Variants in HERC2 observed in about 807,000 individuals in gnomAD.
HERC2 encodes the protein HECT and RLD domain containing E3 ubiquitin protein ligase 2, also known as E3 ubiquitin-protein ligase HERC2.
Under a neutral mutation model 537.7 loss-of-function variants are expected in HERC2, and 102 were observed. The ratio of observed to expected loss-of-function variants is 0.19; its 90% CI spans 0.16 to 0.22. The LOEUF (loss-of-function observed/expected upper bound fraction) is 0.22, where lower values mean the gene tolerates loss of function less well. Ranked by LOEUF, HERC2 falls within the 10% of genes least tolerant of loss-of-function variation. The pLI, the probability that HERC2 is intolerant of heterozygous loss-of-function variation, is 1.00. For synonymous variants in HERC2, 2,224 were observed against 2,466.2 expected (o/e 0.90, Z 2.91); for missense variants, 4,236 against 6,198.2 (o/e 0.68, Z 10.63).
chr15:28,129,602 G>T (rs1487105421), intron 83 of HERC2, among the ~76,000 whole-genome samples: 1 of 152,220 alleles, frequency 6.6e-6, no homozygotes, highest in Non-Finnish European at 1.5e-5. Context: ...GGCCAAGCCT[G>T]CAGCAGGTCT....
intron 2 of HERC2, among the ~76,000 whole-genome samples, chr15:28,317,972 A>C (rs111553059): frequency 0.016 from 2,436 of 152,114 alleles, 29 homozygotes; most frequent in African/African-American, 0.056. Context: ...AAAAAAGAAC[A>C]CAAAAATAGA....
intron 68 of HERC2, among the ~76,000 whole-genome samples, chr15:28,166,333 G>C (rs1894133952): frequency 6.6e-6 from 1 of 152,194 alleles, no homozygotes; most frequent in African/African-American, 2.4e-5. Flanking sequence ...TATGGAAAAA[G>C]GGAGAGTAGG....
At chr15:28,204,034 C>G (rs1413218482) in intron 45 of HERC2, 2 of 152,144 alleles carry the variant, frequency 1.3e-5, no homozygotes, top group Non-Finnish European at 2.9e-5. Context: ...ATTAGAAAGC[C>G]TGGCACCAAG....
intron 4 of HERC2, among the ~76,000 whole-genome samples, chr15:28,290,933 C>G (rs2076292902): frequency 6.6e-6 from 1 of 152,144 alleles, no homozygotes; most frequent in Admixed American, 6.5e-5. Context: ...GCAAATGGAA[C>G]CCAAAGCCAG....
Position 28,121,326 on chromosome 15 carries a change from G to C in HERC2, c.13272+20C>G. ...CACTTCTAAGGCTGTCAGACTTGGA[G>C]AGTAATCTCCATGTGCTACCTGGAT... is the stretch of plus-strand genomic sequence containing the variant. On this transcript the variant is annotated intron_variant, in intron 86 of 92. Coordinates refer to ENST00000261609, the MANE Select transcript of HERC2 (RefSeq NM_004667.6). 1 of 1,608,036 alleles carries C rather than the reference G, an allele frequency of 6.2e-7. No individual in the cohort carries two copies. The highest frequency in any genetic ancestry group is 1.7e-5 in the Admixed American group (1 of 60,018).
chr15:28,295,308 T>TGTGGGGGGGGGGGGGG (rs1218567907), intron 3 of HERC2, among the ~76,000 whole-genome samples: 1 of 79,622 alleles, frequency 1.3e-5, no homozygotes, highest in African/African-American at 4.8e-5. Context: ...TACATGTGTG[T>TGTGGGGGGGGGGGGGG]GGGGGGGGGG....
chr15:28,258,884 AGAAT>A (rs1412081688), intron 16 of HERC2, among the ~76,000 whole-genome samples: 1 of 152,242 alleles, frequency 6.6e-6, no homozygotes, highest in Non-Finnish European at 1.5e-5. Flanking sequence ...ATCAGAATCA[AGAAT>A]GAATGAAGGG....
chr15:28,152,297 A>G (rs1245616267), intron 70 of HERC2, among the ~76,000 whole-genome samples: 1 of 152,222 alleles, frequency 6.6e-6, no homozygotes, highest in East Asian at 1.9e-4. Context: ...AACAAAAGAT[A>G]TACACGTGGG....
chr15:28,137,801 T>C (rs1890801006), intron 78 of HERC2, among the ~76,000 whole-genome samples: 1 of 152,210 alleles, frequency 6.6e-6, no homozygotes, highest in Non-Finnish European at 1.5e-5. Context: ...TATTTCTCAC[T>C]TTAAGTCAAA....
chr15:28,190,796 T>C (rs1896787672), intron 55 of HERC2, 169 bp downstream of exon 55: 1 of 610,558 alleles, frequency 1.6e-6, no homozygotes, highest in Non-Finnish European at 2.9e-6. Context: ...AAGCAGCAAA[T>C]TCAGTTGTAC....
intron 20 of HERC2, among the ~76,000 whole-genome samples, chr15:28,253,104 T>C (rs373519401): frequency 7.2e-5 from 11 of 152,348 alleles, no homozygotes; most frequent in African/African-American, 2.6e-4. Flanking sequence ...GAGGTACAAA[T>C]GTGTTTCACT....
intron 81 of HERC2, 27 bp from the exon 82 acceptor site, chr15:28,130,621 C>A (rs1260614844): frequency 1.3e-5 from 19 of 1,490,994 alleles, no homozygotes; most frequent in Non-Finnish European, 1.8e-5. Context: ...TTCAATTAGA[C>A]AGACAGCAAC....
chr15:28,224,839 A>C (rs550037873), intron 35 of HERC2, among the ~76,000 whole-genome samples: 1 of 152,342 alleles, frequency 6.6e-6, no homozygotes, highest in Non-Finnish European at 1.5e-5. Flanking sequence ...AAATAAAAAA[A>C]AGAAAAGTGG....
intron 4 of HERC2, among the ~76,000 whole-genome samples, chr15:28,285,361 G>C (rs2076128648): frequency 6.6e-6 from 1 of 152,100 alleles, no homozygotes; most frequent in African/African-American, 2.4e-5. Context: ...TCAAACAATG[G>C]AAACAAATTA....
chr15:28,210,922 T>A, intron 44 of HERC2, 80 bp downstream of exon 44: 1 of 1,081,504 alleles, frequency 9.2e-7, no homozygotes, highest in Non-Finnish European at 1.4e-6. Flanking sequence ...ATGTCCATTT[T>A]TATGAACTGA....
intron 2 of HERC2, among the ~76,000 whole-genome samples, chr15:28,318,622 C>A (rs2077152622): frequency 6.8e-6 from 1 of 147,642 alleles, no homozygotes; most frequent in South Asian, 2.2e-4. Context: ...GACTCCATCT[C>A]AAAAAAAAAA....
intron 2 of HERC2, among the ~76,000 whole-genome samples, chr15:28,304,895 G>A (rs1466561337): frequency 1.5e-5 from 2 of 131,348 alleles, no homozygotes; most frequent in East Asian, 2.0e-4. Context: ...TCCCCAGAGT[G>A]TGATATTCCC....
At chr15:28,189,601 TTC>T (rs1896640195) in intron 55 of HERC2, among the ~76,000 whole-genome samples, 1 of 152,164 alleles carries the variant, frequency 6.6e-6, no homozygotes, top group Non-Finnish European at 1.5e-5. Flanking sequence ...TTCCATGACA[TTC>T]CAGAATAAAT....
chr15:28,176,853 A>T lies in HERC2; in HGVS notation c.9433-85T>A. ...TTCCCACAGATAAAGCCAACCATGC[A>T]CACATCTTTATGAACTTTCCTAGAC... On this transcript the variant is annotated intron_variant, in intron 61 of 92. Coordinates refer to ENST00000261609, the MANE Select transcript of HERC2 (RefSeq NM_004667.6). The surrounding 1 kb of genome is among the most constrained non-coding windows in gnomAD (Gnocchi z 5.0). 6.3e-7 allele frequency: 1 copy of T among 1,575,348 alleles called. No individual in the cohort carries two copies. The highest frequency in any genetic ancestry group is 1.1e-5 in the South Asian group (1 of 89,632).
Sources: gnomAD v4.1 joint callset for allele counts (sites outside exome capture counted in the v4.1 genomes callset) on GRCh38, gnomAD v4.1.1 for gene constraint, Gnocchi (gnomAD v3.1) non-coding constraint, MANE v1.5 for transcripts, NCBI Gene and HGNC (gene_info 2026-07-23, HGNC 2026-07-21) for gene names.